RIMS1: variants seen among roughly 807,000 people sequenced by gnomAD.
The protein encoded by RIMS1 is regulating synaptic membrane exocytosis protein 1.
A neutral mutation model predicts 214.1 loss-of-function variants in RIMS1; 83 were observed. That is an observed-to-expected ratio of 0.39 (90% confidence interval 0.32 to 0.47). The LOEUF (loss-of-function observed/expected upper bound fraction) is 0.47, where lower values mean the gene tolerates loss of function less well. RIMS1 is among the 20% of genes least tolerant of loss of function. The pLI is 0.99. For missense variants in RIMS1, 2,050 were observed against 2,161.8 expected (o/e 0.95, Z 1.03); for synonymous variants, 793 against 786.8 (o/e 1.01, Z -0.13).
Position 72,392,824 on chromosome 6 carries a change from T to A in RIMS1, c.4618+14T>A. ...CCCCTGCAATGGGTAAGAATCATTT[T>A]TTTTTTCTACAAGAAAATTGATGTT... On this transcript the variant is annotated intron_variant, in intron 31 of 33. Transcript: ENST00000521978. The A allele has an allele frequency of 6.4e-7, 1 of 1,552,840 alleles. No individual in the cohort carries two copies.
chr6:71,918,067 G>A (rs984756674), intron 1 of RIMS1, among the ~76,000 whole-genome samples: 1 of 152,136 alleles, frequency 6.6e-6, no homozygotes, highest in African/African-American at 2.4e-5. Flanking sequence ...GGGGAGTTTA[G>A]GGAAGTATTT....
intron 29 of RIMS1, among the ~76,000 whole-genome samples, chr6:72,347,850 A>G (rs1188525995): frequency 1.3e-5 from 2 of 151,898 alleles, no homozygotes; most frequent in Non-Finnish European, 2.9e-5. Context: ...AAGTCCTATA[A>G]GACTTTTAGG....
At chr6:72,194,499 A>T (rs1367955384) in intron 6 of RIMS1, among the ~76,000 whole-genome samples, 10 of 152,284 alleles carry the variant, frequency 6.6e-5, no homozygotes, top group African/African-American at 2.4e-4. Context: ...GGTTAAAAAA[A>T]ATATGCTTCC....
At chr6:71,933,621 G>A (rs1288624648) in intron 1 of RIMS1, among the ~76,000 whole-genome samples, 1 of 151,806 alleles carries the variant, frequency 6.6e-6, no homozygotes, top group African/African-American at 2.4e-5. Flanking sequence ...GAGATGGTGT[G>A]AGGGAGAGGA....
At chr6:71,890,012 C>A (rs1445933650) in intron 1 of RIMS1, among the ~76,000 whole-genome samples, 3 of 152,088 alleles carry the variant, frequency 2.0e-5, no homozygotes, top group Non-Finnish European at 4.4e-5. Flanking sequence ...TCTCTTTTCA[C>A]AATGTATAAA....
At chr6:72,182,162 T>C (rs1011980322) in intron 5 of RIMS1, 122 bp from the exon 6 acceptor site, 1 of 1,112,578 alleles carries the variant, frequency 9.0e-7, no homozygotes, top group African/African-American at 1.6e-5. Flanking sequence ...CACCTTCAGA[T>C]CCAAATCCCT....
intron 29 of RIMS1, among the ~76,000 whole-genome samples, chr6:72,334,843 A>G (rs142384361): frequency 3.9e-5 from 6 of 152,036 alleles, no homozygotes; most frequent in African/African-American, 1.4e-4. Flanking sequence ...TTAAAATTAC[A>G]GGATTAGAAT....
Position 72,233,774 on chromosome 6 carries a change from T to C in RIMS1, c.1680T>C (p.Gly560=). 1 of 1,566,222 alleles carries C rather than the reference T, an allele frequency of 6.4e-7. No individual in the cohort carries two copies. The highest frequency in any genetic ancestry group is 1.7e-4 in the Middle Eastern group (1 of 6,000). Residue 560 remains glycine, a splice_region_variant and synonymous_variant, in exon 7 of 34, where the codon GGT becomes GGC. Transcript: ENST00000521978. ...ELESESVSEK[G]DLDYYWLDPA... Reference sequence around the variant, plus strand: ...TTTCATTCTTTTTGTATTGCACAGGTGATTTGGATTATTACTGGTTGGATC... The same window carrying C: ...TTTCATTCTTTTTGTATTGCACAGGCGATTTGGATTATTACTGGTTGGATC...
intron 27 of RIMS1, 118 bp from the exon 28 acceptor site, chr6:72,313,388 C>A: frequency 1.3e-6 from 1 of 751,754 alleles, no homozygotes; most frequent in Non-Finnish European, 2.2e-6. Flanking sequence ...GATATTACAG[C>A]TACTCTTATG....
chr6:72,291,498 A>G (rs1262832334), intron 25 of RIMS1, among the ~76,000 whole-genome samples: 12 of 152,194 alleles, frequency 7.9e-5, no homozygotes. Flanking sequence ...TAGAATTCTT[A>G]TCAGTTATAA....
intron 11 of RIMS1, 111 bp downstream of exon 11, chr6:72,245,972 A>T (rs945141194): frequency 1.4e-6 from 1 of 715,796 alleles, no homozygotes; most frequent in Non-Finnish European, 2.4e-6. Context: ...TATACTAAAG[A>T]TGTCTCCATT....
chr6:72,275,121 TATATATATATATATATATATATATA>T (rs2085547538), intron 23 of RIMS1, among the ~76,000 whole-genome samples: 17 of 160 alleles, frequency 0.11, no homozygotes, highest in Non-Finnish European at 0.2. Context: ...TATTTTATGG[TATATATATATATATATATATATATA>T]TATATATATA....
chr6:72,227,789 C>A (rs959083286), intron 6 of RIMS1, among the ~76,000 whole-genome samples: 1 of 151,736 alleles, frequency 6.6e-6, no homozygotes, highest in Non-Finnish European at 1.5e-5. Context: ...CTTTGTCACA[C>A]CAATAACTTA....
chr6:72,255,466 T>G (rs1246912185), intron 16 of RIMS1, among the ~76,000 whole-genome samples: 1 of 152,208 alleles, frequency 6.6e-6, no homozygotes, highest in Non-Finnish European at 1.5e-5. Context: ...CGAAATTCTC[T>G]GTTTTTATTT....
chr6:71,900,905 CTAGGAGTAAGCTTTAATGAAG>C (rs1387487005), intron 1 of RIMS1, among the ~76,000 whole-genome samples: 3 of 151,986 alleles, frequency 2.0e-5, no homozygotes, highest in African/African-American at 7.2e-5. Context: ...ATAAGAAAGC[CTAGGAGTAAGCTTTAATGAAG>C]TTTCACTTTT....
chr6:72,222,050 G>A (rs1453882835), intron 6 of RIMS1, among the ~76,000 whole-genome samples: 3 of 151,824 alleles, frequency 2.0e-5, no homozygotes, highest in Non-Finnish European at 1.5e-5. Context: ...GGAACGTTTT[G>A]TTATGGATTT....
At chr6:72,035,104 C>T (rs1462014848) in intron 2 of RIMS1, among the ~76,000 whole-genome samples, 1 of 151,996 alleles carries the variant, frequency 6.6e-6, no homozygotes, top group Non-Finnish European at 1.5e-5. Flanking sequence ...CTTTTTTGTT[C>T]CTCAATGTCT....
chr6:71,924,318 G>A (rs1196317471), intron 1 of RIMS1, among the ~76,000 whole-genome samples: 12 of 152,112 alleles, frequency 7.9e-5, no homozygotes, highest in Admixed American at 7.2e-4. Flanking sequence ...AGGGAAATGA[G>A]CTTTGCCCAC....
At chr6:72,081,691 C>G (rs1207960991) in intron 2 of RIMS1, among the ~76,000 whole-genome samples, 2 of 151,852 alleles carry the variant, frequency 1.3e-5, no homozygotes, top group Admixed American at 1.3e-4. Flanking sequence ...TTACATGGGA[C>G]AGATATAGAA....
Sources: allele counts gnomAD v4.1 joint callset (sites outside exome capture counted in the v4.1 genomes callset), GRCh38; gene constraint gnomAD v4.1.1; transcripts MANE v1.5; gene names NCBI Gene and HGNC (gene_info 2026-07-23, HGNC 2026-07-21).